The following LURAP1L variants were observed in gnomAD, a reference collection of about 807,000 sequenced individuals.
The protein encoded by LURAP1L is leucine rich adaptor protein 1-like.
LURAP1L carries 12 observed loss-of-function variants against 13.8 expected under a neutral mutation model. That is an observed-to-expected ratio of 0.87 (90% CI 0.56 to 1.41). LURAP1L has a LOEUF of 1.41. LURAP1L is among the 40% of genes most tolerant of loss of function. The pLI, the probability that LURAP1L is intolerant of heterozygous loss-of-function variation, is 0.00. For synonymous variants in LURAP1L, 139 were observed against 119.2 expected (o/e 1.17, Z -1.08); for missense variants, 375 against 292.9 (o/e 1.28, Z -2.04).
At chr9:12,778,054 G>A (rs1364467899) in intron 1 of LURAP1L, among the ~76,000 whole-genome samples, 2 of 152,148 alleles carry the variant, frequency 1.3e-5, no homozygotes, top group Non-Finnish European at 2.9e-5. Context: ...TATGTTGAGA[G>A]TCTCTAAGGT....
chr9:12,779,266 C>CTTTTT lies in LURAP1L; in HGVS notation c.312+3261_312+3265dup, dbSNP rs71329885. Among the ~76,000 whole-genome samples, 26 of 90,260 alleles carry CTTTTT rather than the reference C, an allele frequency of 2.9e-4. 2 individuals carry two copies. Among genetic ancestry groups the CTTTTT allele is most frequent in the South Asian group, 8.3e-4 (2 of 2,420 alleles). 59.2% of individuals were successfully genotyped at this position (90,260 alleles called of 152,430 possible). ...TATTATCCCGTTGAAATCTTATAAT[C>CTTTTT]TTTTTTTTTTTTTTTTTTTTTTTTT... On this transcript the variant is annotated intron_variant, in intron 1 of 1. Transcript: ENST00000319264.
In LURAP1L at chr9:12,821,751, CTTTG is replaced by C; in HGVS notation, c.679_682del (p.Phe227AlafsTer13). The C allele has an allele frequency of 6.2e-7, 1 of 1,609,408 alleles. No individual in the cohort carries two copies. Among genetic ancestry groups the C allele is most frequent in the Non-Finnish European group, 8.5e-7 (1 of 1,176,244 alleles). On this transcript the variant is annotated frameshift_variant, in exon 2 of 2. Coordinates refer to ENST00000319264, the MANE Select transcript of LURAP1L (RefSeq NM_203403.2). LOFTEE classifies it high-confidence loss of function. The stretch of plus-strand genomic sequence containing the variant: ...CTAAATTGGATTCTGAATACTACTG[CTTTG>C]GCTAGTGACAGTTTTTTGCATGGGA...
chr9:12,775,707 G>T lies in LURAP1L; in HGVS notation c.-9G>T, dbSNP rs770408192. On this transcript the variant is annotated 5_prime_UTR_variant, in exon 1 of 2. Coordinates refer to ENST00000319264, the MANE Select transcript of LURAP1L (RefSeq NM_203403.2). The stretch of plus-strand genomic sequence containing the variant: ...GTTTTATTACTATTATCGCCGTTCC[G>T]GAAAAGTCATGGAAGACAGCCCGCT... 7.1e-6 allele frequency: 11 copies of T among 1,557,110 alleles called. No individual in the cohort carries two copies. The highest frequency in any genetic ancestry group is 8.6e-6 in the Non-Finnish European group (10 of 1,158,074).
intron 1 of LURAP1L, among the ~76,000 whole-genome samples, chr9:12,803,034 C>T (rs898346279): frequency 2.6e-5 from 4 of 152,158 alleles, no homozygotes; most frequent in African/African-American, 9.7e-5. Flanking sequence ...GCTGCATTAC[C>T]ACATACTGTC....
At chr9:12,780,829 T>C (rs1000438701) in intron 1 of LURAP1L, among the ~76,000 whole-genome samples, 1 of 152,236 alleles carries the variant, frequency 6.6e-6, no homozygotes, top group Admixed American at 6.5e-5. Context: ...GTTCACTTAA[T>C]CTTACTCCTC....
At chr9:12,792,366 G>A (rs1057268614) in intron 1 of LURAP1L, among the ~76,000 whole-genome samples, 1 of 152,106 alleles carries the variant, frequency 6.6e-6, no homozygotes, top group Non-Finnish European at 1.5e-5. Flanking sequence ...GATTTCTCCT[G>A]TGAGACATTA....
At chr9:12,807,224 C>T (rs956334974) in intron 1 of LURAP1L, among the ~76,000 whole-genome samples, 1 of 151,030 alleles carries the variant, frequency 6.6e-6, no homozygotes, top group Admixed American at 6.6e-5. Flanking sequence ...TGAGATCGTG[C>T]CACTGCACTC....
chr9:12,785,357 G>C (rs2118473081), intron 1 of LURAP1L, among the ~76,000 whole-genome samples: 1 of 152,168 alleles, frequency 6.6e-6, no homozygotes, highest in African/African-American at 2.4e-5. Flanking sequence ...TCCCTCGGCT[G>C]GCCCAGCTGA....
At chr9:12,816,946 T>G (rs1371313430) in intron 1 of LURAP1L, among the ~76,000 whole-genome samples, 1 of 152,210 alleles carries the variant, frequency 6.6e-6, no homozygotes, top group African/African-American at 2.4e-5. Context: ...CCTGGTTGTT[T>G]GTTCCCTTTG....
intron 1 of LURAP1L, among the ~76,000 whole-genome samples, chr9:12,817,170 A>G (rs866702390): frequency 6.6e-6 from 1 of 152,204 alleles, no homozygotes; most frequent in African/African-American, 2.4e-5. Context: ...AGAAGGCATT[A>G]TCTGCTGGGA....
chr9:12,802,581 T>C (rs973729579), intron 1 of LURAP1L, among the ~76,000 whole-genome samples: 16 of 152,228 alleles, frequency 1.1e-4, no homozygotes, highest in African/African-American at 3.9e-4. Flanking sequence ...GGAACCATGA[T>C]CCAATTAAAC....
intron 1 of LURAP1L, among the ~76,000 whole-genome samples, chr9:12,776,778 C>T (rs909436448): frequency 6.6e-6 from 1 of 152,138 alleles, no homozygotes; most frequent in Non-Finnish European, 1.5e-5. Flanking sequence ...CTGCTGTTTG[C>T]AAACGTTTGC....
At chr9:12,800,985 A>C (rs1198685689) in intron 1 of LURAP1L, among the ~76,000 whole-genome samples, 1 of 152,216 alleles carries the variant, frequency 6.6e-6, no homozygotes. Context: ...AGCATTTCTC[A>C]GGGTTATACT....
At chr9:12,788,161 A>AAGAAAGAAAGAAAGAG (rs1819386192) in intron 1 of LURAP1L, among the ~76,000 whole-genome samples, 1 of 144,668 alleles carries the variant, frequency 6.9e-6, no homozygotes, top group Non-Finnish European at 1.5e-5. Context: ...GAAAGAAAGA[A>AAGAAAGAAAGAAAGAG]AGAAAGAAAG....
In LURAP1L at chr9:12,821,365, T is replaced by A. The variant is rs1407123639; in HGVS notation, c.313-21T>A. The A allele has an allele frequency of 2.5e-6, 4 of 1,596,470 alleles. No individual in the cohort carries two copies. In the Admixed American group the frequency reaches 5.1e-5, roughly 20 times the overall value. ...AGAGTGTAAAATGGCTGGAATATCTTTCTTCTCTCTTTGTCCATAGGTTAA... is the reference window on the plus strand; with the variant it reads ...AGAGTGTAAAATGGCTGGAATATCTATCTTCTCTCTTTGTCCATAGGTTAA... On this transcript the variant is annotated intron_variant, in intron 1 of 1. Coordinates refer to ENST00000319264, the MANE Select transcript of LURAP1L (RefSeq NM_203403.2).
intron 1 of LURAP1L, among the ~76,000 whole-genome samples, chr9:12,820,359 C>A (rs1057508002): frequency 1.3e-5 from 2 of 151,702 alleles, no homozygotes; most frequent in Admixed American, 6.6e-5. Context: ...AAAAATTAGC[C>A]GGGCGTGGTG....
In LURAP1L at chr9:12,775,614, C is replaced by G; in HGVS notation, c.-102C>G. On this transcript the variant is annotated 5_prime_UTR_variant, in exon 1 of 2. Transcript: ENST00000319264. ...ACCGGAGCGGCGGAGGATAGAGACCCTGGCCCCCGGAGAGGTCTGCTGATT... is the reference window on the plus strand; with the variant it reads ...ACCGGAGCGGCGGAGGATAGAGACCGTGGCCCCCGGAGAGGTCTGCTGATT... 6.8e-7 allele frequency: 1 copy of G among 1,467,698 alleles called. No homozygotes were observed. The highest frequency in any genetic ancestry group is 9.0e-7 in the Non-Finnish European group (1 of 1,110,918). 90.9% of individuals were successfully genotyped at this position (1,467,698 alleles called of 1,614,324 possible). A position where few individuals can be genotyped will look rare whatever the true frequency, so the allele number is the denominator to read the frequency against.
intron 1 of LURAP1L, among the ~76,000 whole-genome samples, chr9:12,819,146 T>G (rs576386586): frequency 5.9e-5 from 9 of 152,180 alleles, no homozygotes; most frequent in Non-Finnish European, 1.3e-4. Context: ...CAAGGCTAAG[T>G]TCACATCCTT....
At chr9:12,797,638 C>T (rs1010277038) in intron 1 of LURAP1L, among the ~76,000 whole-genome samples, 3 of 152,000 alleles carry the variant, frequency 2.0e-5, no homozygotes, top group South Asian at 4.1e-4. Context: ...GTTTTTTTAT[C>T]TGTATTATAA....
Sources: allele counts gnomAD v4.1 joint callset (sites outside exome capture counted in the v4.1 genomes callset), GRCh38; gene constraint gnomAD v4.1.1; transcripts MANE v1.5; gene names NCBI Gene and HGNC (gene_info 2026-07-23, HGNC 2026-07-21).